The following SH3RF1 variants were observed in gnomAD, a reference collection of about 807,000 sequenced individuals.
The protein encoded by SH3RF1 is E3 ubiquitin-protein ligase SH3RF1.
SH3RF1 carries 32 observed loss-of-function variants against 74.0 expected under a neutral mutation model. The ratio of observed to expected loss-of-function variants is 0.43; its 90% confidence interval spans 0.33 to 0.58. SH3RF1 has a LOEUF of 0.58. Ranked by LOEUF, SH3RF1 falls within the 20% of genes least tolerant of loss-of-function variation. SH3RF1 has a pLI of 0.05. For missense variants in SH3RF1, 954 were observed against 1,130.9 expected, an observed-to-expected ratio of 0.84 and a Z score of 2.24; for synonymous variants, 396 against 439.6, an observed-to-expected ratio of 0.90 and a Z score of 1.24.
intron 2 of SH3RF1, among the ~76,000 whole-genome samples, chr4:169,161,131 T>C (rs2135778): frequency 0.95 from 144,922 of 152,242 alleles, 69,408 homozygotes; most frequent in East Asian, 1. Context: ...ATGAAAGGGA[T>C]GCTTAAAAGG....
At chr4:169,157,962 C>T (rs1163972078) in intron 2 of SH3RF1, among the ~76,000 whole-genome samples, 1 of 152,128 alleles carries the variant, frequency 6.6e-6, no homozygotes, top group Admixed American at 6.5e-5. Context: ...TGGTCTCAAA[C>T]TCCTGACCTC....
At chr4:169,147,620 A>G (rs1025767490) in intron 4 of SH3RF1, among the ~76,000 whole-genome samples, 66 of 152,324 alleles carry the variant, frequency 4.3e-4, no homozygotes, top group African/African-American at 1.4e-3. Context: ...CGCCCCACAA[A>G]TATGTGAAGC....
At chr4:169,104,161 C>T (rs1733091574) in intron 11 of SH3RF1, among the ~76,000 whole-genome samples, 1 of 152,050 alleles carries the variant, frequency 6.6e-6, no homozygotes, top group Admixed American at 6.6e-5. Context: ...AGGGAGGCTG[C>T]AGTGCCCATG....
intron 6 of SH3RF1, among the ~76,000 whole-genome samples, chr4:169,126,993 T>C (rs755864445): frequency 3.3e-5 from 5 of 152,234 alleles, no homozygotes; most frequent in Admixed American, 6.5e-5. Flanking sequence ...GTTAACCACC[T>C]CTTGGCTGGT....
intron 10 of SH3RF1, among the ~76,000 whole-genome samples, chr4:169,109,363 T>C (rs1733202970): frequency 6.6e-6 from 1 of 152,230 alleles, no homozygotes; most frequent in African/African-American, 2.4e-5. Flanking sequence ...AGAAGAAAGA[T>C]GACTTAATTC....
chr4:169,178,220 G>A (rs1734452033), intron 2 of SH3RF1, among the ~76,000 whole-genome samples: 1 of 125,656 alleles, frequency 8.0e-6, no homozygotes, highest in South Asian at 2.5e-4. Flanking sequence ...CAGCCTGGGA[G>A]ACAGAGTGAG....
At chr4:169,249,886 T>G (rs1731070589) in intron 2 of SH3RF1, among the ~76,000 whole-genome samples, 1 of 152,180 alleles carries the variant, frequency 6.6e-6, no homozygotes, top group South Asian at 2.1e-4. Context: ...GAAATTCATC[T>G]CTGACATTAA....
chr4:169,168,014 C>T (rs1310971262), intron 2 of SH3RF1, among the ~76,000 whole-genome samples: 1 of 152,012 alleles, frequency 6.6e-6, no homozygotes, highest in African/African-American at 2.4e-5. Context: ...GTGGGACAGG[C>T]CTATAGTCCC....
At chr4:169,135,683 AAATGAATG>A (rs1047688382) in intron 5 of SH3RF1, among the ~76,000 whole-genome samples, 1 of 152,202 alleles carries the variant, frequency 6.6e-6, no homozygotes, top group Non-Finnish European at 1.5e-5. Flanking sequence ...AATGTCTGCC[AAATGAATG>A]AATGAATGAT....
At chr4:169,164,498 A>G (rs966014919) in intron 2 of SH3RF1, among the ~76,000 whole-genome samples, 1 of 152,222 alleles carries the variant, frequency 6.6e-6, no homozygotes, top group Non-Finnish European at 1.5e-5. Flanking sequence ...TGTCCTCCCA[A>G]GTACACAGCA....
chr4:169,205,347 T>A (rs937199495), intron 2 of SH3RF1, among the ~76,000 whole-genome samples: 2 of 152,226 alleles, frequency 1.3e-5, no homozygotes, highest in Admixed American at 1.3e-4. Flanking sequence ...GAAACAGAAA[T>A]GACTTGTCAG....
At chr4:169,120,742 TG>T (rs1733423318) in intron 8 of SH3RF1, 76 bp downstream of exon 8, 1 of 1,485,682 alleles carries the variant, frequency 6.7e-7, no homozygotes, top group South Asian at 1.3e-5. Context: ...GAAAGGAATC[TG>T]GATAGGCTGA....
At chr4:169,230,855 C>CAAA (rs35156191) in intron 2 of SH3RF1, among the ~76,000 whole-genome samples, 1 of 122,126 alleles carries the variant, frequency 8.2e-6, no homozygotes, top group African/African-American at 3.3e-5. Flanking sequence ...GAAACCACCT[C>CAAA]AAAAAAAAAA....
Position 169,094,396 on chromosome 4 carries a change from AC to A in SH3RF1, c.*2122del, listed in dbSNP as rs1732877926. 1 of 151,936 alleles carries A rather than the reference AC, an allele frequency of 6.6e-6. No individual in the cohort carries two copies. The highest frequency in any genetic ancestry group is 6.6e-5 in the Admixed American group (1 of 15,234). 9.4% of individuals were successfully genotyped at this position (151,936 alleles called of 1,614,324 possible). On this transcript the variant is annotated 3_prime_UTR_variant, in exon 12 of 12. Coordinates refer to ENST00000284637, the MANE Select transcript of SH3RF1 (RefSeq NM_020870.4). Reference sequence around the variant, plus strand: ...AGCCCTTGTTACAAAATCTCCCTCTACTGTCTGCAAAAAACCAATAGAAAAC... The same window carrying A: ...AGCCCTTGTTACAAAATCTCCCTCTATGTCTGCAAAAAACCAATAGAAAAC...
intron 2 of SH3RF1, among the ~76,000 whole-genome samples, chr4:169,160,325 C>T (rs999722232): frequency 6.6e-6 from 1 of 152,192 alleles, no homozygotes; most frequent in Admixed American, 6.5e-5. Flanking sequence ...CACTTCCACA[C>T]ACCAGTGGCC....
At chr4:169,158,420 G>A (rs1298549483) in intron 2 of SH3RF1, among the ~76,000 whole-genome samples, 8 of 152,188 alleles carry the variant, frequency 5.3e-5, no homozygotes, top group South Asian at 2.1e-4. Flanking sequence ...CAGTATTCCT[G>A]GATAAGAATT....
chr4:169,107,304 A>C, intron 10 of SH3RF1, 99 bp from the exon 11 acceptor site: 2 of 1,147,220 alleles, frequency 1.7e-6, no homozygotes, highest in Non-Finnish European at 2.4e-6. Flanking sequence ...TTTAATTTTT[A>C]ATTTTAATTT....
intron 2 of SH3RF1, among the ~76,000 whole-genome samples, chr4:169,240,568 G>A (rs1002402409): frequency 6.6e-6 from 1 of 152,098 alleles, no homozygotes; most frequent in Non-Finnish European, 1.5e-5. Context: ...CGTGTATTAA[G>A]GAGTTTTTGA....
chr4:169,204,663 A>G (rs761560162), intron 2 of SH3RF1, among the ~76,000 whole-genome samples: 2 of 147,816 alleles, frequency 1.4e-5, no homozygotes, highest in Non-Finnish European at 3.0e-5. Flanking sequence ...TGATTCACCT[A>G]CCTCAGCCCC....
Sources: allele counts gnomAD v4.1 joint callset (sites outside exome capture counted in the v4.1 genomes callset), GRCh38; gene constraint gnomAD v4.1.1; transcripts MANE v1.5; gene names NCBI Gene and HGNC (gene_info 2026-07-23, HGNC 2026-07-21).